The following SNTG1 variants were observed in gnomAD, a reference collection of about 807,000 sequenced individuals.
SNTG1 encodes the protein syntrophin gamma 1.
SNTG1 carries 39 observed loss-of-function variants against 74.7 expected under a neutral mutation model. The observed-to-expected ratio is 0.52, with a 90% confidence interval of 0.40 to 0.68. The LOEUF is 0.68. Ranked by LOEUF, SNTG1 falls within the 30% of genes least tolerant of loss-of-function variation. The pLI is 0.00. For synonymous variants in SNTG1, 254 were observed against 217.1 expected, an observed-to-expected ratio of 1.17 and a Z score of -1.49; for missense variants, 685 against 609.5, an observed-to-expected ratio of 1.12 and a Z score of -1.30.
chr8:50,736,284 T>C (rs1326711070), intron 17 of SNTG1, among the ~76,000 whole-genome samples: 2 of 151,468 alleles, frequency 1.3e-5, no homozygotes, highest in East Asian at 3.9e-4. Context: ...TAAACCTTAA[T>C]TGCAAATGGG....
intron 2 of SNTG1, among the ~76,000 whole-genome samples, chr8:50,283,902 C>T (rs919351288): frequency 6.6e-6 from 1 of 152,100 alleles, no homozygotes; most frequent in Non-Finnish European, 1.5e-5. Flanking sequence ...CCCCTGCACA[C>T]AGTATCGTTT....
intron 2 of SNTG1, among the ~76,000 whole-genome samples, chr8:50,356,884 C>T (rs2091830904): frequency 6.6e-6 from 1 of 152,202 alleles, no homozygotes; most frequent in Non-Finnish European, 1.5e-5. Flanking sequence ...TTGTACAGTG[C>T]TGGACTCACT....
intron 1 of SNTG1, among the ~76,000 whole-genome samples, chr8:50,023,464 C>A (rs1221104487): frequency 6.6e-6 from 1 of 152,114 alleles, no homozygotes; most frequent in Non-Finnish European, 1.5e-5. Context: ...TGATAACTTT[C>A]CAATCACAGT....
intron 15 of SNTG1, among the ~76,000 whole-genome samples, chr8:50,692,257 T>C (rs576209311): frequency 2.3e-4 from 35 of 152,316 alleles, no homozygotes; most frequent in Middle Eastern, 3.4e-3. Flanking sequence ...CTCGTCAAAG[T>C]CATTCTCCAT....
At chr8:50,654,659 T>C (rs1176685485) in intron 13 of SNTG1, among the ~76,000 whole-genome samples, 2 of 152,194 alleles carry the variant, frequency 1.3e-5, no homozygotes, top group African/African-American at 4.8e-5. Context: ...AAGAAACAAG[T>C]CTTATGAAAA....
intron 1 of SNTG1, among the ~76,000 whole-genome samples, chr8:50,027,722 A>G (rs1206739846): frequency 6.6e-6 from 1 of 152,194 alleles, no homozygotes; most frequent in East Asian, 1.9e-4. Flanking sequence ...TAATCTACTC[A>G]GTTTGTGGAA....
chr8:50,543,541 A>G (rs920465464), intron 11 of SNTG1, among the ~76,000 whole-genome samples: 33 of 151,846 alleles, frequency 2.2e-4, no homozygotes, highest in Admixed American at 1.6e-3. Context: ...ATTCCTTTTC[A>G]TTTCTGAGTG....
chr8:50,177,651 A>G (rs889627031), intron 2 of SNTG1, among the ~76,000 whole-genome samples: 2 of 152,194 alleles, frequency 1.3e-5, no homozygotes, highest in Non-Finnish European at 2.9e-5. Context: ...CTTCATGGAA[A>G]CAAAGACTTA....
At chr8:50,635,895 T>C (rs565376308) in intron 13 of SNTG1, among the ~76,000 whole-genome samples, 1 of 152,124 alleles carries the variant, frequency 6.6e-6, no homozygotes, top group South Asian at 2.1e-4. Flanking sequence ...GTGCTTGGTA[T>C]CACCTGAAGC....
intron 4 of SNTG1, among the ~76,000 whole-genome samples, chr8:50,411,367 G>A (rs545111159): frequency 6.6e-6 from 1 of 151,008 alleles, no homozygotes; most frequent in Non-Finnish European, 1.5e-5. Flanking sequence ...AGAATGGCAT[G>A]AACCTGGGAG....
intron 15 of SNTG1, among the ~76,000 whole-genome samples, chr8:50,683,498 C>T (rs1011476679): frequency 2.0e-5 from 3 of 152,114 alleles, no homozygotes; most frequent in African/African-American, 4.8e-5. Flanking sequence ...CTTTATCTGA[C>T]AAAATGTGCA....
chr8:50,745,612 T>G (rs569330398), intron 17 of SNTG1, among the ~76,000 whole-genome samples: 33 of 152,004 alleles, frequency 2.2e-4, no homozygotes, highest in Non-Finnish European at 4.6e-4. Flanking sequence ...ACACCAATGT[T>G]CATAGAAGTA....
chr8:50,781,801 G>A (rs2095660297), intron 18 of SNTG1, among the ~76,000 whole-genome samples: 1 of 152,176 alleles, frequency 6.6e-6, no homozygotes, highest in East Asian at 1.9e-4. Flanking sequence ...TCCTAGCCTT[G>A]ATGGTCTTTA....
intron 9 of SNTG1, among the ~76,000 whole-genome samples, chr8:50,525,768 A>G (rs536970190): frequency 6.6e-6 from 1 of 151,130 alleles, no homozygotes; most frequent in East Asian, 1.9e-4. Flanking sequence ...TTATTTAGCT[A>G]TCTGTGTTTT....
chr8:50,311,518 G>A (rs577948021), intron 2 of SNTG1, among the ~76,000 whole-genome samples: 2 of 152,236 alleles, frequency 1.3e-5, no homozygotes, highest in South Asian at 4.1e-4. Flanking sequence ...CTAGGGTTAC[G>A]AATCATCTTT....
intron 13 of SNTG1, among the ~76,000 whole-genome samples, chr8:50,653,323 T>A (rs2095160140): frequency 6.6e-6 from 1 of 152,038 alleles, no homozygotes; most frequent in African/African-American, 2.4e-5. Context: ...TGTAGTCTTA[T>A]CAGGAGGCTG....
intron 2 of SNTG1, among the ~76,000 whole-genome samples, chr8:50,255,957 A>T (rs1364780769): frequency 1.3e-5 from 2 of 152,204 alleles, no homozygotes; most frequent in African/African-American, 2.4e-5. Flanking sequence ...TATAAGACCT[A>T]TCACAAGGTG....
intron 2 of SNTG1, among the ~76,000 whole-genome samples, chr8:50,386,964 A>G (rs1015465725): frequency 1.3e-5 from 2 of 152,174 alleles, no homozygotes; most frequent in East Asian, 1.9e-4. Flanking sequence ...GTGAGAGTCT[A>G]TGACTCTATT....
chr8:50,034,218 T>A (rs969895445), intron 1 of SNTG1, among the ~76,000 whole-genome samples: 3 of 152,182 alleles, frequency 2.0e-5, no homozygotes, highest in Non-Finnish European at 4.4e-5. Context: ...GATCATCAAA[T>A]TTTTTGCCAG....
Sources: gnomAD v4.1 joint callset for allele counts (sites outside exome capture counted in the v4.1 genomes callset) on GRCh38, gnomAD v4.1.1 for gene constraint, MANE v1.5 for transcripts, NCBI Gene and HGNC (gene_info 2026-07-23, HGNC 2026-07-21) for gene names.